The following PRIM2 variants were observed in gnomAD, a reference collection of about 807,000 sequenced individuals.
PRIM2 encodes DNA primase subunit 2, also known as DNA primase large subunit.
In PRIM2, 39 loss-of-function variants were observed where a neutral mutation model predicts 67.3. That is an observed-to-expected ratio of 0.58 (90% CI 0.45 to 0.76). The LOEUF is 0.76. Ranked by LOEUF, PRIM2 falls within the 30% of genes least tolerant of loss-of-function variation. The probability of loss-of-function intolerance (pLI) is 0.00; values close to 1 mark genes in which losing one functional copy is unlikely to be tolerated. For synonymous variants in PRIM2, 143 were observed against 198.7 expected (o/e 0.72, Z 2.36); for missense variants, 398 against 598.7 (o/e 0.66, Z 3.50).
chr6:57,520,158 C>A, intron 8 of PRIM2, among the ~76,000 whole-genome samples: 1 of 152,254 alleles, frequency 6.6e-6, no homozygotes, highest in South Asian at 2.1e-4. Context: ...ATTAACTGTT[C>A]CAGCACCCCC....
At chr6:57,617,500 A>T (rs2127496055) in intron 12 of PRIM2, among the ~76,000 whole-genome samples, 1 of 152,314 alleles carries the variant, frequency 6.6e-6, no homozygotes, top group East Asian at 1.9e-4. Context: ...GCATTTTTCT[A>T]ATGAATAATG....
intron 7 of PRIM2, among the ~76,000 whole-genome samples, chr6:57,491,843 G>A (rs1441237652): frequency 6.6e-6 from 1 of 152,118 alleles, no homozygotes; most frequent in Non-Finnish European, 1.5e-5. Context: ...TTGAATACCA[G>A]GGCTTTTATT....
chr6:57,439,767 T>C (rs994950407), intron 7 of PRIM2, among the ~76,000 whole-genome samples: 2 of 152,182 alleles, frequency 1.3e-5, no homozygotes, highest in African/African-American at 2.4e-5. Context: ...TTTCAGATTA[T>C]GTAAAATATG....
chr6:57,565,586 T>C (rs1775721184), intron 10 of PRIM2, among the ~76,000 whole-genome samples: 2 of 152,198 alleles, frequency 1.3e-5, no homozygotes, highest in South Asian at 4.1e-4. Flanking sequence ...TTTGTTCTAT[T>C]CAGGCTCTCA....
chr6:57,424,100 T>A (rs1226046254), intron 7 of PRIM2, among the ~76,000 whole-genome samples: 4 of 152,192 alleles, frequency 2.6e-5, no homozygotes, highest in South Asian at 2.1e-4. Flanking sequence ...AAAAAGTACA[T>A]TTATTTCAGG....
the PRIM2 span, among the ~76,000 whole-genome samples, chr6:57,235,464 CA>C: frequency 1.1e-4 from 16 of 145,990 alleles, no homozygotes; most frequent in East Asian, 6.1e-4. Flanking sequence ...AACTCCATTT[CA>C]AAAAAAAAAA....
Position 57,449,487 on chromosome 6 carries a change from C to T in PRIM2, c.694-57900C>T, listed in dbSNP as rs1246810777. On this transcript the variant is annotated intron_variant, in intron 7 of 13. Coordinates refer to ENST00000615550, the MANE Select transcript of PRIM2 (RefSeq NM_000947.5). The stretch of plus-strand genomic sequence containing the variant: ...ACATCCCATTTACTTTGAGGAGACT[C>T]ATCATACCTTTTAAAATGAGATCAA... 1.2e-4 allele frequency among the ~76,000 whole-genome samples: 18 copies of T among 152,270 alleles called. No homozygotes were observed. In the South Asian group the frequency reaches 3.7e-3, roughly 32 times the overall value.
intron 7 of PRIM2, among the ~76,000 whole-genome samples, chr6:57,471,128 C>T (rs1438795320): frequency 1.3e-4 from 19 of 151,926 alleles, no homozygotes; most frequent in African/African-American, 4.6e-4. Flanking sequence ...TTCCGAGTCC[C>T]TTGGAATTTT....
At chr6:57,278,029 AAAG>A in the PRIM2 span, among the ~76,000 whole-genome samples, 1 of 150,778 alleles carries the variant, frequency 6.6e-6, no homozygotes, top group African/African-American at 2.4e-5. Flanking sequence ...CAAAACAAAA[AAAG>A]ATTCTGTGTT....
chr6:57,291,449 A>G, the PRIM2 span, among the ~76,000 whole-genome samples: 2 of 152,348 alleles, frequency 1.3e-5, no homozygotes, highest in Middle Eastern at 3.4e-3. Context: ...TCCTTCTGAA[A>G]CTATTCCAAA....
chr6:57,286,465 CCGTCT>C, the PRIM2 span, among the ~76,000 whole-genome samples: 3 of 152,212 alleles, frequency 2.0e-5, no homozygotes, highest in African/African-American at 7.2e-5. Context: ...ACATCTACAA[CCGTCT>C]CATCTTCAAC....
At chr6:57,271,991 G>A in the PRIM2 span, among the ~76,000 whole-genome samples, 1 of 152,200 alleles carries the variant, frequency 6.6e-6, no homozygotes, top group Admixed American at 6.5e-5. Flanking sequence ...TGGTCTGAGA[G>A]ACAGTTTGTT....
chr6:57,519,546 G>A (rs1174955703), intron 8 of PRIM2, among the ~76,000 whole-genome samples: 1 of 152,180 alleles, frequency 6.6e-6, no homozygotes, highest in African/African-American at 2.4e-5. Flanking sequence ...GCTCACCAGC[G>A]GTCAGAGTTT....
intron 7 of PRIM2, among the ~76,000 whole-genome samples, chr6:57,433,491 A>G (rs1369715666): frequency 6.6e-6 from 1 of 151,088 alleles, no homozygotes; most frequent in East Asian, 1.9e-4. Context: ...AAATCAAACT[A>G]TTGCTCTTAC....
chr6:57,366,137 C>T (rs1435925361), intron 5 of PRIM2, among the ~76,000 whole-genome samples: 1 of 151,902 alleles, frequency 6.6e-6, no homozygotes, highest in East Asian at 1.9e-4. Flanking sequence ...GTAACTATGC[C>T]TAAGGAAATC....
intron 8 of PRIM2, among the ~76,000 whole-genome samples, chr6:57,518,595 T>C (rs1347418071): frequency 4.7e-4 from 71 of 152,228 alleles, no homozygotes; most frequent in African/African-American, 1.7e-3. Flanking sequence ...ATAGAAACTG[T>C]CAGGTTAAAA....
chr6:57,615,420 CAAA>C (rs1159988256), intron 12 of PRIM2, among the ~76,000 whole-genome samples: 144 of 107,304 alleles, frequency 1.3e-3, no homozygotes, highest in Admixed American at 2.5e-3. Context: ...GATTCTGTCT[CAAA>C]AAAAAAAAAA....
At chr6:57,345,182 AG>A (rs1434354137) in intron 5 of PRIM2, among the ~76,000 whole-genome samples, 12 of 151,720 alleles carry the variant, frequency 7.9e-5, no homozygotes, top group Non-Finnish European at 1.8e-4. Context: ...TTTTTGAGAC[AG>A]GGTTTCACTC....
At chr6:57,579,904 T>G (rs1776050014) in intron 10 of PRIM2, among the ~76,000 whole-genome samples, 1 of 152,160 alleles carries the variant, frequency 6.6e-6, no homozygotes, top group African/African-American at 2.4e-5. Flanking sequence ...ATGGACAAAG[T>G]TATATTTTTA....
Sources: gnomAD v4.1 joint callset for allele counts (sites outside exome capture counted in the v4.1 genomes callset) on GRCh38, gnomAD v4.1.1 for gene constraint, MANE v1.5 for transcripts, NCBI Gene and HGNC (gene_info 2026-07-23, HGNC 2026-07-21) for gene names.